CRYM: variants seen among roughly 807,000 people sequenced by gnomAD.
CRYM encodes ketimine reductase mu-crystallin.
A neutral mutation model predicts 32.9 loss-of-function variants in CRYM; 18 were observed. That is an observed-to-expected ratio of 0.55 (90% CI 0.38 to 0.81). The LOEUF (loss-of-function observed/expected upper bound fraction) is 0.81. Ranked by LOEUF, CRYM falls within the 30% of genes least tolerant of loss-of-function variation. CRYM has a pLI of 0.00. For synonymous variants in CRYM, 153 were observed against 152.4 expected (o/e 1.00, Z -0.03); for missense variants, 337 against 393.5 (o/e 0.86, Z 1.21).
At chr16:21,280,118 G>A (rs2093395624), upstream of CRYM, among the ~76,000 whole-genome samples, 1 of 152,152 alleles carries the variant, frequency 6.6e-6, no homozygotes, top group South Asian at 2.1e-4. Context: ...GATAGTTCAC[G>A]CCTGTAATCC....
chr16:21,265,901 C>T (rs947160070), intron 5 of CRYM, among the ~76,000 whole-genome samples: 8 of 152,300 alleles, frequency 5.3e-5, no homozygotes, highest in African/African-American at 9.6e-5. Flanking sequence ...AGAGTGCCTC[C>T]GTTCAAATCC....
intron 1 of CRYM, among the ~76,000 whole-genome samples, chr16:21,291,656 C>T (rs1483664803): frequency 2.0e-5 from 3 of 151,958 alleles, no homozygotes; most frequent in Non-Finnish European, 4.4e-5. Flanking sequence ...AATTTAACAC[C>T]CTTTTATGAT....
chr16:21,280,676 G>A (rs1008030010), upstream of CRYM, among the ~76,000 whole-genome samples: 12 of 152,176 alleles, frequency 7.9e-5, no homozygotes, highest in East Asian at 5.8e-4. Flanking sequence ...GTTAAGTCAC[G>A]CACCCTTACA....
At chr16:21,302,158 A>G (rs1265917642) in intron 1 of CRYM, among the ~76,000 whole-genome samples, 2 of 152,250 alleles carry the variant, frequency 1.3e-5, no homozygotes, top group East Asian at 3.8e-4. Flanking sequence ...AAAGTGCTTG[A>G]ACGCACTGAC....
chr16:21,265,426 T>C (rs1197405675), intron 5 of CRYM, among the ~76,000 whole-genome samples: 1 of 152,160 alleles, frequency 6.6e-6, no homozygotes, highest in African/African-American at 2.4e-5. Context: ...ATAACCCTAT[T>C]GAAAACACCT....
chr16:21,281,504 T>A (rs1470363959), upstream of CRYM, among the ~76,000 whole-genome samples: 1 of 152,158 alleles, frequency 6.6e-6, no homozygotes, highest in Non-Finnish European at 1.5e-5. Flanking sequence ...GTGCTGGGAT[T>A]ACAGGCATGA....
At chr16:21,278,447 G>A (rs1403482875), upstream of CRYM, 3 of 636,994 alleles carry the variant, frequency 4.7e-6, no homozygotes, top group African/African-American at 1.8e-5. Context: ...AAGGGTGGGC[G>A]AGATGGGTCC....
At chr16:21,274,850 C>T (rs1296197516) in intron 3 of CRYM, among the ~76,000 whole-genome samples, 2 of 152,170 alleles carry the variant, frequency 1.3e-5, no homozygotes, top group Non-Finnish European at 2.9e-5. Context: ...AAGTGATACG[C>T]CTGCCTCAGC....
intron 1 of CRYM, chr16:21,301,183 T>G (rs1960916185): frequency 6.6e-6 from 1 of 152,292 alleles, no homozygotes. Context: ...GGCTCATGAA[T>G]CTTCTTAAAC....
chr16:21,286,817 G>A (rs1442367449), intron 1 of CRYM, among the ~76,000 whole-genome samples: 10 of 152,058 alleles, frequency 6.6e-5, no homozygotes, highest in Admixed American at 5.2e-4. Flanking sequence ...TAGGCCGGGC[G>A]CAGTGGCTCA....
intron 4 of CRYM, chr16:21,268,710 G>A (rs963172850): frequency 6.6e-6 from 1 of 152,164 alleles, no homozygotes; most frequent in Non-Finnish European, 1.5e-5. Flanking sequence ...AGAACATTCA[G>A]TAAGAGAGGA....
upstream of CRYM, among the ~76,000 whole-genome samples, chr16:21,282,610 T>C (rs577819701): frequency 1.1e-4 from 17 of 152,310 alleles, no homozygotes; most frequent in East Asian, 3.3e-3. Flanking sequence ...TTATTAATCT[T>C]CTTTAAGTCA....
At position 21,258,672 on chromosome 16, in the gene CRYM, C is replaced by T. The variant is rs1409851451; in HGVS notation, c.*109G>A. 4 of 947,264 alleles carry T rather than the reference C, an allele frequency of 4.2e-6. No individual in the cohort carries two copies. In the Admixed American group the frequency reaches 6.9e-5, roughly 16 times the overall value. 58.7% of individuals were successfully genotyped at this position (947,264 alleles called of 1,614,324 possible). ...AGCATTTAAGGTAAAACATGATAAG[C>T]ACAAAAGGAGAGTTCACTGGGGACT... On this transcript the variant is annotated 3_prime_UTR_variant, in exon 8 of 8. Coordinates refer to ENST00000572914, the MANE Select transcript of CRYM (RefSeq NM_001376256.1).
chr16:21,301,293 C>T (rs1342983782), intron 1 of CRYM: 1 of 152,200 alleles, frequency 6.6e-6, no homozygotes, highest in Non-Finnish European at 1.5e-5. Context: ...CCAGGAGGGT[C>T]GACAAGGCAA....
chr16:21,261,215 C>T (rs779047727), intron 7 of CRYM, 39 bp downstream of exon 7: 43 of 1,503,474 alleles, frequency 2.9e-5, no homozygotes, highest in African/African-American at 4.2e-5. Context: ...CTGCCTTGTG[C>T]GCTAGTTGGA....
upstream of CRYM, among the ~76,000 whole-genome samples, chr16:21,283,080 G>A (rs1034906007): frequency 2.6e-5 from 4 of 152,108 alleles, no homozygotes; most frequent in African/African-American, 9.7e-5. Flanking sequence ...CAAGCCTGGG[G>A]GCCATGTAAG....
chr16:21,302,649 C>G (rs1480790214), intron 1 of CRYM, among the ~76,000 whole-genome samples: 1 of 152,120 alleles, frequency 6.6e-6, no homozygotes, highest in Non-Finnish European at 1.5e-5. Flanking sequence ...CAAGTGTTTC[C>G]TCCGTGATTA....
intron 7 of CRYM, among the ~76,000 whole-genome samples, chr16:21,259,785 T>C (rs536077854): frequency 9.8e-5 from 15 of 152,342 alleles, no homozygotes; most frequent in African/African-American, 3.6e-4. Flanking sequence ...TTTTGGTAGA[T>C]ACCTTAACCT....
intron 1 of CRYM, among the ~76,000 whole-genome samples, chr16:21,289,127 ATATCT>A (rs1280628788): frequency 1.3e-5 from 2 of 152,088 alleles, no homozygotes; most frequent in East Asian, 1.9e-4. Flanking sequence ...TTTGTTGTTC[ATATCT>A]TATATTTGTT....
Sources: gnomAD v4.1 joint callset for allele counts (sites outside exome capture counted in the v4.1 genomes callset) on GRCh38, gnomAD v4.1.1 for gene constraint, MANE v1.5 for transcripts, NCBI Gene and HGNC (gene_info 2026-07-23, HGNC 2026-07-21) for gene names.